Variants in SEPTIN9 observed in about 807,000 individuals in gnomAD.
The protein encoded by SEPTIN9 is septin-9.
Under a neutral mutation model 56.6 loss-of-function variants are expected in SEPTIN9, and 13 were observed. The ratio of observed to expected loss-of-function variants is 0.23; its 90% CI spans 0.15 to 0.37. The LOEUF is 0.37. SEPTIN9 is among the 10% of genes least tolerant of loss of function. SEPTIN9 has a pLI of 1.00. For synonymous variants in SEPTIN9, 332 were observed against 334.1 expected (o/e 0.99, Z 0.07); for missense variants, 650 against 823.1 (o/e 0.79, Z 2.57).
intron 3 of SEPTIN9, among the ~76,000 whole-genome samples, chr17:77,411,955 C>A (rs180682348): frequency 6.6e-6 from 1 of 151,654 alleles, no homozygotes; most frequent in East Asian, 2.0e-4. Context: ...CATGGTGAAA[C>A]CCCATCTCTA....
chr17:77,470,031 CCACTCATTCACTCATT>C (rs985660869), intron 3 of SEPTIN9, among the ~76,000 whole-genome samples: 4 of 150,440 alleles, frequency 2.7e-5, no homozygotes, highest in African/African-American at 9.9e-5. Context: ...ATCCACCTAT[CCACTCATTCACTCATT>C]CACTCATCCA....
intron 3 of SEPTIN9, among the ~76,000 whole-genome samples, chr17:77,458,969 T>C (rs1351819323): frequency 6.6e-6 from 1 of 152,020 alleles, no homozygotes; most frequent in Non-Finnish European, 1.5e-5. Flanking sequence ...CGTCTGGAAG[T>C]GGAGCCTGGA....
intron 3 of SEPTIN9, among the ~76,000 whole-genome samples, chr17:77,420,078 G>A (rs1385129529): frequency 1.3e-5 from 2 of 152,134 alleles, no homozygotes; most frequent in African/African-American, 4.8e-5. Context: ...CCATGGAAGA[G>A]GTCACAGCCC....
In SEPTIN9 at chr17:77,461,759, C is replaced by T. The variant is rs74335492; in HGVS notation, c.722-20385C>T. Among the ~76,000 whole-genome samples the T allele has an allele frequency of 6.6e-5, 10 of 152,330 alleles. No individual in the cohort carries two copies. In the East Asian group the frequency reaches 1.7e-3, roughly 26 times the overall value. On this transcript the variant is annotated intron_variant, in intron 3 of 11. Coordinates refer to ENST00000427177, the MANE Select transcript of SEPTIN9 (RefSeq NM_001113491.2). ...GATTTATTATTATGAGGAGTTGGCT[C>T]ACCTCATTACAGAGGTTGGCAAGTG...
chr17:77,353,826 A>G (rs2034136683), intron 2 of SEPTIN9, among the ~76,000 whole-genome samples: 1 of 152,198 alleles, frequency 6.6e-6, no homozygotes, highest in South Asian at 2.1e-4. Context: ...ACTGTGTCAG[A>G]TGGGTTCTGG....
intron 3 of SEPTIN9, among the ~76,000 whole-genome samples, chr17:77,471,829 A>G (rs2039009120): frequency 6.6e-6 from 1 of 152,300 alleles, no homozygotes; most frequent in Admixed American, 6.5e-5. Flanking sequence ...GCTTTGAGGT[A>G]GGGGCCGCTC....
At chr17:77,426,193 C>G (rs1171980053) in intron 3 of SEPTIN9, among the ~76,000 whole-genome samples, 3 of 152,050 alleles carry the variant, frequency 2.0e-5, no homozygotes, top group African/African-American at 4.8e-5. Context: ...TGCCCTCTGA[C>G]CCCTGCTTGG....
At chr17:77,358,748 A>G (rs2034329430) in intron 2 of SEPTIN9, among the ~76,000 whole-genome samples, 1 of 152,236 alleles carries the variant, frequency 6.6e-6, no homozygotes, top group South Asian at 2.1e-4. Context: ...TTAACTATGT[A>G]TATTGCACCA....
rs192922904 is a variant in SEPTIN9 at position 77,379,360 on chromosome 17, C to T, written c.77-22699C>T. Among the ~76,000 whole-genome samples the T allele has an allele frequency of 4.3e-4, 66 of 152,028 alleles. 1 individual carries two copies. The highest frequency in any genetic ancestry group is 7.5e-4 in the Non-Finnish European group (51 of 67,966). ...CCGGTACACAGTGGCCACCTGGTCT[C>T]GTCGGCTGTCTTGGTGGTGGAGAGC... On this transcript the variant is annotated intron_variant, in intron 2 of 11. Coordinates refer to ENST00000427177, the MANE Select transcript of SEPTIN9 (RefSeq NM_001113491.2).
At chr17:77,372,905 G>A (rs2143910844) in intron 2 of SEPTIN9, among the ~76,000 whole-genome samples, 1 of 152,264 alleles carries the variant, frequency 6.6e-6, no homozygotes, top group East Asian at 1.9e-4. Context: ...CGCAGAGCGC[G>A]CGGCGGCGGT....
At chr17:77,293,119 C>T (rs555968238) in intron 1 of SEPTIN9, among the ~76,000 whole-genome samples, 9 of 152,140 alleles carry the variant, frequency 5.9e-5, no homozygotes, top group Admixed American at 3.3e-4. Flanking sequence ...TGAGCTCAAG[C>T]GATCCTCCCT....
intron 3 of SEPTIN9, among the ~76,000 whole-genome samples, chr17:77,469,907 C>G (rs1418094255): frequency 6.7e-6 from 1 of 149,604 alleles, no homozygotes; most frequent in Non-Finnish European, 1.5e-5. Flanking sequence ...ATCCACCCAT[C>G]CACTCATTTA....
At chr17:77,379,187 A>C (rs955541956) in intron 2 of SEPTIN9, among the ~76,000 whole-genome samples, 12 of 152,046 alleles carry the variant, frequency 7.9e-5, no homozygotes, top group Non-Finnish European at 1.5e-4. Context: ...CTGCTTGCCC[A>C]GCCCGTGGAC....
intron 3 of SEPTIN9, among the ~76,000 whole-genome samples, chr17:77,461,085 A>G (rs1020138162): frequency 6.6e-6 from 1 of 152,070 alleles, no homozygotes; most frequent in Non-Finnish European, 1.5e-5. Context: ...CGGGTGGATC[A>G]CCTGAAGTCA....
At chr17:77,488,399 G>T in intron 6 of SEPTIN9, 78 bp downstream of exon 6, 2 of 1,388,092 alleles carry the variant, frequency 1.4e-6, no homozygotes, top group Admixed American at 3.4e-5. Flanking sequence ...AGCCCTAGAG[G>T]TTTCCCGGCC....
chr17:77,321,944 C>T (rs553062341), intron 2 of SEPTIN9, among the ~76,000 whole-genome samples: 1 of 152,360 alleles, frequency 6.6e-6, no homozygotes, highest in African/African-American at 2.4e-5. Flanking sequence ...CTGAGAGGGA[C>T]CTTCGTCAGG....
At chr17:77,430,048 A>G (rs1417487205) in intron 3 of SEPTIN9, among the ~76,000 whole-genome samples, 1 of 152,082 alleles carries the variant, frequency 6.6e-6, no homozygotes, top group East Asian at 1.9e-4. Context: ...CCAGCCTCCC[A>G]GCCTGTGGAG....
chr17:77,333,372 C>A (rs1598207282), intron 2 of SEPTIN9, among the ~76,000 whole-genome samples: 1 of 151,984 alleles, frequency 6.6e-6, no homozygotes, highest in Admixed American at 6.6e-5. Flanking sequence ...TATTTTATTC[C>A]AGTCTGTGGC....
At position 77,449,380 on chromosome 17, in the gene SEPTIN9, C is replaced by T. The variant is rs1325668433; in HGVS notation, c.722-32764C>T. Among the ~76,000 whole-genome samples, 1 of 152,148 alleles carries T rather than the reference C, an allele frequency of 6.6e-6. No individual in the cohort carries two copies. Among genetic ancestry groups the T allele is most frequent in the African/African-American group, 2.4e-5 (1 of 41,426 alleles). ...GGGGCGGCCACCTCAGCAAAGCACC[C>T]AGGATGCTGGCCTCCCAGCTCAGGA... On this transcript the variant is annotated intron_variant, in intron 3 of 11. Transcript: ENST00000427177. This position sits in a 1 kb window ranked among gnomAD's most constrained non-coding sequence, Gnocchi z 4.6.
Sources: allele counts gnomAD v4.1 joint callset (sites outside exome capture counted in the v4.1 genomes callset), GRCh38; gene constraint gnomAD v4.1.1; non-coding constraint Gnocchi (gnomAD v3.1); transcripts MANE v1.5; gene names NCBI Gene and HGNC (gene_info 2026-07-23, HGNC 2026-07-21).